The following ACAN variants were observed in gnomAD, a reference collection of about 807,000 sequenced individuals.
The protein encoded by ACAN is aggrecan core protein.
Under a neutral mutation model 169.1 loss-of-function variants are expected in ACAN, and 47 were observed. The ratio of observed to expected loss-of-function variants is 0.28; its 90% confidence interval spans 0.22 to 0.35. The LOEUF (loss-of-function observed/expected upper bound fraction) is 0.35, where lower values mean the gene tolerates loss of function less well. ACAN is among the 10% of genes least tolerant of loss of function. The pLI is 1.00. For missense variants in ACAN, 2,716 were observed against 2,759.9 expected (o/e 0.98, Z 0.36); for synonymous variants, 1,115 against 1,112.2 (o/e 1.00, Z -0.05).
intron 1 of ACAN, among the ~76,000 whole-genome samples, chr15:88,817,977 A>G (rs1895984415): frequency 1.3e-5 from 2 of 152,134 alleles, no homozygotes; most frequent in African/African-American, 4.8e-5. Context: ...TCTTTTTCCC[A>G]TTGAATAGAT....
Position 88,871,572 on chromosome 15 carries a change from G to C in ACAN, c.7219+32G>C, listed in dbSNP as rs781264402. 1.3e-6 allele frequency: 2 copies of C among 1,585,658 alleles called. No homozygotes were observed. Among genetic ancestry groups the C allele is most frequent in the Admixed American group, 3.5e-5 (2 of 56,870 alleles). On this transcript the variant is annotated intron_variant, in intron 15 of 18. Transcript: ENST00000560601. This position sits in a 1 kb window ranked among gnomAD's most constrained non-coding sequence, Gnocchi z 7.8. ...GCGGCGGGGCCTCTGGAGCCTGAGA[G>C]GAGAGTGGCGGTGTAGGCAAAGGGC...
At chr15:88,831,904 A>G (rs531767004) in intron 1 of ACAN, among the ~76,000 whole-genome samples, 1 of 152,214 alleles carries the variant, frequency 6.6e-6, no homozygotes. Context: ...GCAGGCAGGA[A>G]GCAGATTGGA....
At chr15:88,818,290 T>A (rs1895991719) in intron 1 of ACAN, among the ~76,000 whole-genome samples, 1 of 152,242 alleles carries the variant, frequency 6.6e-6, no homozygotes, top group African/African-American at 2.4e-5. Flanking sequence ...ATAACACAAC[T>A]GTGAGTGCAT....
intron 1 of ACAN, among the ~76,000 whole-genome samples, chr15:88,808,190 C>G (rs777036995): frequency 6.6e-6 from 1 of 152,190 alleles, no homozygotes; most frequent in Non-Finnish European, 1.5e-5. Context: ...ATCACAGATG[C>G]CCAGGGCCTT....
At position 88,854,877 on chromosome 15, in the gene ACAN, T is replaced by C; in HGVS notation, c.2292T>C (p.Thr764=). ...GGATCCTTCCTACTTGGCCTCCCAC[T>C]GGCGCAGCAACAGAGGAAAGTACAG... ...LPGILPTWPP[T]GAATEESTEG... Residue 764 remains threonine (T), a synonymous_variant, in exon 12 of 19, where the codon ACT becomes ACC. Transcript: ENST00000560601. 1 of 1,509,394 alleles carries C rather than the reference T, an allele frequency of 6.6e-7. No homozygotes were observed. The highest frequency in any genetic ancestry group is 8.8e-7 in the Non-Finnish European group (1 of 1,134,650). The allele number at this position is 1,509,394 out of a possible 1,614,324, so 93.5% of individuals were successfully genotyped here.
intron 1 of ACAN, among the ~76,000 whole-genome samples, chr15:88,823,654 A>C (rs1008284594): frequency 6.6e-6 from 1 of 152,162 alleles, no homozygotes; most frequent in South Asian, 2.1e-4. Context: ...CCACGGCTGC[A>C]GCCACCCCAT....
At chr15:88,825,103 G>A (rs1896179960) in intron 1 of ACAN, among the ~76,000 whole-genome samples, 1 of 152,196 alleles carries the variant, frequency 6.6e-6, no homozygotes, top group African/African-American at 2.4e-5. Flanking sequence ...CAGCTAGAAT[G>A]TGGCGGGGTT....
chr15:88,859,213 G>T lies in ACAN; in HGVS notation c.6628G>T (p.Gly2210Cys). 6.2e-7 allele frequency: 1 copy of T among 1,613,898 alleles called. No individual in the cohort carries two copies. The highest frequency in any genetic ancestry group is 8.5e-7 in the Non-Finnish European group (1 of 1,179,890). The change falls in exon 12 of 19, where the codon GGC (glycine) becomes TGC (cysteine). Residue 2210 changes from glycine to cysteine, a missense_variant. Gly to Cys is a radical substitution (Grantham distance 159). Around this residue, in one of 3 missense-constraint regions of ACAN, gnomAD observed 1,389 missense variants for 1,363.7 expected, o/e 1.02. Transcript: ENST00000560601. Reference protein sequence around the residue: ...GDLSGHTSQLGVVISTSIPES... With the variant: ...GDLSGHTSQLCVVISTSIPES... ...CCTGTCTGGTCACACCTCGCAGCTG[G>T]GCGTTGTCATCAGCACCAGCATCCC...
intron 1 of ACAN, among the ~76,000 whole-genome samples, chr15:88,827,207 C>T (rs1170140724): frequency 1.3e-5 from 2 of 152,158 alleles, no homozygotes; most frequent in Non-Finnish European, 2.9e-5. Context: ...AGAGAAGCTC[C>T]AAGAGCTCTG....
chr15:88,841,268 C>G (rs1384804731), intron 4 of ACAN, among the ~76,000 whole-genome samples: 1 of 152,236 alleles, frequency 6.6e-6, no homozygotes, highest in African/African-American at 2.4e-5. Context: ...GATGATAGCA[C>G]CTACCTCACT....
rs768925769 is a variant in ACAN, at chr15:88,860,287, T to C, written c.6833-39T>C. ...TTGGAGGCCATGGTAGCCAGGTGAC[T>C]GTGTTCTTGATGCTCAACCTCTCCC... On this transcript the variant is annotated intron_variant, in intron 12 of 18. Coordinates refer to ENST00000560601, the MANE Select transcript of ACAN (RefSeq NM_001369268.1). The C allele has an allele frequency of 2.3e-5, 33 of 1,465,594 alleles. No homozygotes were observed. In the South Asian group the frequency reaches 3.8e-4, roughly 17 times the overall value. 90.8% of individuals were successfully genotyped at this position (1,465,594 alleles called of 1,614,324 possible). A position where few individuals can be genotyped will look rare whatever the true frequency, so the allele number is the denominator to read the frequency against.
chr15:88,846,369 A>G (rs920638068), intron 7 of ACAN, among the ~76,000 whole-genome samples: 3 of 152,332 alleles, frequency 2.0e-5, no homozygotes, highest in Admixed American at 6.5e-5. Context: ...CTTAAGAATG[A>G]TTTTTACATT....
intron 4 of ACAN, 110 bp downstream of exon 4, chr15:88,840,296 C>A: frequency 7.5e-7 from 1 of 1,339,906 alleles, no homozygotes; most frequent in Non-Finnish European, 9.9e-7. Context: ...CAGCATGACA[C>A]TGTGGCCAGC....
Position 88,860,352 on chromosome 15 carries a change from C to T in ACAN, c.6859C>T (p.Pro2287Ser). Residue 2287 changes from proline to serine, a missense_variant, in exon 13 of 19, where the codon CCC (proline) becomes TCC (serine). Physicochemically the swap from Pro to Ser is moderately conservative, Grantham distance 74 (BLOSUM62 -1). Around this residue, in one of 3 missense-constraint regions of ACAN, gnomAD observed 1,389 missense variants for 1,363.7 expected, o/e 1.02. Coordinates refer to ENST00000560601, the MANE Select transcript of ACAN (RefSeq NM_001369268.1). Reference protein sequence around the residue: ...AAPARSCAEEPCGAGTCKETE... With the variant: ...AAPARSCAEESCGAGTCKETE... ...CCCCGCCAGGTCCTGTGCAGAGGAG[C>T]CCTGTGGAGCTGGGACCTGCAAGGA... The T allele has an allele frequency of 1.2e-6, 2 of 1,612,972 alleles. No homozygotes were observed. Among genetic ancestry groups the T allele is most frequent in the South Asian group, 2.2e-5 (2 of 90,812 alleles).
intron 11 of ACAN, among the ~76,000 whole-genome samples, chr15:88,852,440 GAA>G (rs1301202894): frequency 3.3e-5 from 5 of 152,158 alleles, no homozygotes; most frequent in African/African-American, 1.2e-4. Context: ...GTTACTGTTG[GAA>G]GTCTGACTGT....
Position 88,859,415 on chromosome 15 carries a change from C to A in ACAN, c.6830C>A (p.Ala2277Glu). The A allele has an allele frequency of 6.4e-7, 1 of 1,554,036 alleles. No homozygotes were observed. The highest frequency in any genetic ancestry group is 2.4e-5 in the East Asian group (1 of 41,038). Residue 2277 changes from alanine (A) to glutamate (E), a missense_variant and splice_region_variant, in exon 12 of 19, where the codon GCA becomes GAA. This residue lies in a region of ACAN where 1,389 missense variants were observed against 1,363.7 expected (regional missense o/e 1.02). Transcript: ENST00000560601. ...AAACGTGAATCAGAATCAACTGCTG[C>A]AGGTATTGTGATTTTTTCCCCCTTT... ...EWKRESESTAAAPARSCAEEP... is the reference protein window; with the variant it reads ...EWKRESESTAEAPARSCAEEP...
In ACAN at chr15:88,868,463, G is replaced by T; in HGVS notation, c.7060+134G>T. The T allele has an allele frequency of 1.7e-6, 1 of 584,908 alleles. No homozygotes were observed. Among genetic ancestry groups the T allele is most frequent in the Non-Finnish European group, 3.0e-6 (1 of 329,320 alleles). The allele number at this position is 584,908 out of a possible 1,614,324, so 36.2% of individuals were successfully genotyped here. On this transcript the variant is annotated intron_variant, in intron 14 of 18. Transcript: ENST00000560601. This position sits in a 1 kb window ranked among gnomAD's most constrained non-coding sequence, Gnocchi z 5.2. ...GTTCATCTGGAGAGCCATTTCAGGGGCCACAACTGAAAATTCTGCCCCACT... is the reference window on the plus strand; with the variant it reads ...GTTCATCTGGAGAGCCATTTCAGGGTCCACAACTGAAAATTCTGCCCCACT...
chr15:88,849,665 T>C lies in ACAN; in HGVS notation c.1960T>C (p.Tyr654His), dbSNP rs1399881778. The C allele has an allele frequency of 1.2e-6, 2 of 1,613,652 alleles. No homozygotes were observed. The highest frequency in any genetic ancestry group is 1.7e-6 in the Non-Finnish European group (2 of 1,179,888). Residue 654 changes from tyrosine (Y) to histidine (H), a missense_variant, in exon 10 of 19, where the codon TAC becomes CAC. By Grantham distance (83) the Tyr-to-His change is moderately conservative. Around this residue, in one of 3 missense-constraint regions of ACAN, gnomAD observed 1,283 missense variants for 1,281.5 expected, o/e 1.00. Coordinates refer to ENST00000560601, the MANE Select transcript of ACAN (RefSeq NM_001369268.1). The surrounding 1 kb of genome is among the most constrained non-coding windows in gnomAD (Gnocchi z 5.1). ...GGDKPGVRTV[Y>H]LYPNQTGLPD... Reference sequence around the variant, plus strand: ...GGACAAGCCAGGCGTGAGAACGGTCTACCTCTACCCTAACCAGACGGGCCT... The same window carrying C: ...GGACAAGCCAGGCGTGAGAACGGTCCACCTCTACCCTAACCAGACGGGCCT...
At chr15:88,852,727 G>A (rs1199533325) in intron 11 of ACAN, among the ~76,000 whole-genome samples, 1 of 152,242 alleles carries the variant, frequency 6.6e-6, no homozygotes, top group East Asian at 1.9e-4. Flanking sequence ...GGTGATAGAT[G>A]TAGAGTGTCC....
Sources: allele counts gnomAD v4.1 joint callset (sites outside exome capture counted in the v4.1 genomes callset), GRCh38; gene constraint gnomAD v4.1.1; regional missense constraint gnomAD v4.1.1; non-coding constraint Gnocchi (gnomAD v3.1); transcripts MANE v1.5; gene names NCBI Gene and HGNC (gene_info 2026-07-23, HGNC 2026-07-21).